TFB1M: variants seen among roughly 807,000 people sequenced by gnomAD.
TFB1M encodes transcription factor B1, mitochondrial.
In TFB1M, 27 loss-of-function variants were observed where a neutral mutation model predicts 31.1. That is an observed-to-expected ratio of 0.87 (90% CI 0.64 to 1.20). The LOEUF is 1.20. Ranked by LOEUF, TFB1M falls within the 50% of genes most tolerant of loss-of-function variation. The probability of loss-of-function intolerance (pLI) is 0.00; values close to 1 mark genes in which losing one functional copy is unlikely to be tolerated. For synonymous variants in TFB1M, 166 were observed against 151.8 expected (o/e 1.09, Z -0.69); for missense variants, 394 against 418.7 (o/e 0.94, Z 0.51).
intron 3 of TFB1M, among the ~76,000 whole-genome samples, chr6:155,297,562 G>C (rs1372818513): frequency 6.6e-6 from 1 of 152,028 alleles, no homozygotes. Context: ...TGGCAAATTT[G>C]CCCAAAAAGA....
chr6:155,295,308 G>GT (rs1363361354), intron 4 of TFB1M, among the ~76,000 whole-genome samples: 1 of 151,938 alleles, frequency 6.6e-6, no homozygotes, highest in Non-Finnish European at 1.5e-5. Flanking sequence ...GGAGCTTGCA[G>GT]TGAGCCAAGA....
the TFB1M span, chr6:155,248,143 A>G: frequency 1.2e-6 from 2 of 1,614,068 alleles, no homozygotes; most frequent in Non-Finnish European, 1.7e-6. Context: ...GGTGTCCCTG[A>G]CGGACCAGGA....
intron 2 of TFB1M, 73 bp from the exon 3 acceptor site, chr6:155,298,658 G>A: frequency 2.9e-6 from 3 of 1,032,772 alleles, no homozygotes; most frequent in Non-Finnish European, 4.5e-6. Context: ...TTTTAAACCT[G>A]TGCATTTAAA....
intron 5 of TFB1M, chr6:155,276,595 T>C (rs1251604494): frequency 4.3e-6 from 2 of 466,960 alleles, no homozygotes; most frequent in Non-Finnish European, 7.5e-6. Context: ...GTTTCCATGT[T>C]TTACTTAAAG....
chr6:155,301,355 A>C (rs916824235), intron 2 of TFB1M, among the ~76,000 whole-genome samples: 2 of 152,230 alleles, frequency 1.3e-5, no homozygotes, highest in Non-Finnish European at 2.9e-5. Flanking sequence ...GATTATAGAC[A>C]GTACCCTTTT....
intron 5 of TFB1M, among the ~76,000 whole-genome samples, chr6:155,284,455 C>T (rs1449130212): frequency 6.6e-6 from 1 of 152,156 alleles, no homozygotes; most frequent in African/African-American, 2.4e-5. Flanking sequence ...AGGCTCATAT[C>T]CCTGTAGACT....
chr6:155,251,524 TG>T (rs1368836844), downstream of TFB1M, among the ~76,000 whole-genome samples: 1 of 152,098 alleles, frequency 6.6e-6, no homozygotes, highest in Non-Finnish European at 1.5e-5. Flanking sequence ...TGACCTCAGG[TG>T]ATCCACCTGC....
the TFB1M span, among the ~76,000 whole-genome samples, chr6:155,243,846 C>CAAAAAAAAAAAAAAAAAAAAAAA: frequency 3.6e-5 from 2 of 55,024 alleles, no homozygotes; most frequent in African/African-American, 1.6e-4. Context: ...GACTCCGTCT[C>CAAAAAAAAAAAAAAAAAAAAAAA]AAAAAAAAAA....
chr6:155,250,871 G>A, the TFB1M span: 4 of 1,582,748 alleles, frequency 2.5e-6, no homozygotes, highest in Admixed American at 6.7e-5. Flanking sequence ...CATCTAGCCT[G>A]GGATTTCCGT....
downstream of TFB1M, among the ~76,000 whole-genome samples, chr6:155,252,450 CAG>C (rs1458985744): frequency 1.3e-5 from 2 of 152,188 alleles, no homozygotes; most frequent in Admixed American, 6.5e-5. Flanking sequence ...GCCTGTGCGA[CAG>C]AGTGAGACCC....
chr6:155,258,058 G>C lies in TFB1M; in HGVS notation c.819C>G (p.Arg273=). 6.2e-7 allele frequency: 1 copy of C among 1,614,204 alleles called. No individual in the cohort carries two copies. The highest frequency in any genetic ancestry group is 1.1e-5 in the South Asian group (1 of 91,080). The change falls in exon 7 of 7, where the codon CGC becomes CGG. Residue 273 remains arginine, a synonymous_variant. Transcript: ENST00000367166. ...CTAACAGCCTGCCCGTGCTTTCCAAGCGCTGCGCTTCAGGGAATAACATTC... is the reference window on the plus strand; with the variant it reads ...CTAACAGCCTGCCCGTGCTTTCCAACCGCTGCGCTTCAGGGAATAACATTC... ...GLRMLFPEAQ[R]LESTGRLLEL...
intron 5 of TFB1M, chr6:155,261,004 T>C (rs1784372301): frequency 6.0e-6 from 1 of 166,448 alleles, no homozygotes; most frequent in Non-Finnish European, 1.3e-5. Flanking sequence ...AAAATGTCAC[T>C]GTTTGATAGT....
In TFB1M at chr6:155,257,273, GTTATTT is replaced by G; in HGVS notation, c.*557_*562del. On this transcript the variant is annotated 3_prime_UTR_variant, in exon 7 of 7. Coordinates refer to ENST00000367166, the MANE Select transcript of TFB1M (RefSeq NM_016020.4). ...CCACAAAATGGTTGTAAAGATTTAA[GTTATTT>G]TAATTTATTGTGGATCAGAAACCTA... 1 of 879,394 alleles carries G rather than the reference GTTATTT, an allele frequency of 1.1e-6. No individual in the cohort carries two copies. Among genetic ancestry groups the G allele is most frequent in the Middle Eastern group, 3.6e-4 (1 of 2,794 alleles). The allele number at this position is 879,394 out of a possible 1,614,324, so 54.5% of individuals were successfully genotyped here.
At chr6:155,236,337 C>T in the TFB1M span, among the ~76,000 whole-genome samples, 1 of 152,028 alleles carries the variant, frequency 6.6e-6, no homozygotes, top group Admixed American at 6.6e-5. Flanking sequence ...GCAGGCCACA[C>T]ATTAGCAACA....
chr6:155,284,819 T>C (rs533026451), intron 5 of TFB1M, among the ~76,000 whole-genome samples: 2 of 152,168 alleles, frequency 1.3e-5, no homozygotes, highest in African/African-American at 2.4e-5. Context: ...AACACAAAAG[T>C]ATTTTATTTC....
intron 2 of TFB1M, among the ~76,000 whole-genome samples, chr6:155,305,191 T>C (rs1274467669): frequency 1.4e-5 from 1 of 72,966 alleles, no homozygotes; most frequent in Non-Finnish European, 2.2e-5. Flanking sequence ...TATTAAATTA[T>C]ATATTTATAT....
chr6:155,313,911 A>G (rs765031653), intron 1 of TFB1M, among the ~76,000 whole-genome samples: 3 of 152,226 alleles, frequency 2.0e-5, no homozygotes, highest in Non-Finnish European at 4.4e-5. Flanking sequence ...AAATTCTGGT[A>G]ACTTTAAACT....
rs1784058990 is a variant in TFB1M at position 155,256,699 on chromosome 6, A to T, written c.*1137T>A. ...CTTGGCAGATTTTGCCGACAATCTC[A>T]TCAAAGAGAGTGACATCCTGAGCGA... On this transcript the variant is annotated 3_prime_UTR_variant, in exon 7 of 7. Transcript: ENST00000367166. 1 of 1,613,084 alleles carries T rather than the reference A, an allele frequency of 6.2e-7. No individual in the cohort carries two copies. Among genetic ancestry groups the T allele is most frequent in the East Asian group, 2.2e-5 (1 of 44,874 alleles).
rs1439252389 is a variant in TFB1M, at chr6:155,256,914, C to T, written c.*922G>A. On this transcript the variant is annotated 3_prime_UTR_variant, in exon 7 of 7. Coordinates refer to ENST00000367166, the MANE Select transcript of TFB1M (RefSeq NM_016020.4). ...CCAAACTGGTCCGGGGGCACTTCTGCCCCATTAAACGAAAAGCCAACAGCA... is the reference window on the plus strand; with the variant it reads ...CCAAACTGGTCCGGGGGCACTTCTGTCCCATTAAACGAAAAGCCAACAGCA... 6.2e-7 allele frequency: 1 copy of T among 1,614,150 alleles called. No homozygotes were observed. The highest frequency in any genetic ancestry group is 1.1e-5 in the South Asian group (1 of 91,084).
Sources: allele counts gnomAD v4.1 joint callset (sites outside exome capture counted in the v4.1 genomes callset), GRCh38; gene constraint gnomAD v4.1.1; transcripts MANE v1.5; gene names NCBI Gene and HGNC (gene_info 2026-07-23, HGNC 2026-07-21).